Variants in ASXL3 observed in about 807,000 individuals in gnomAD.
The protein encoded by ASXL3 is putative Polycomb group protein ASXL3.
In ASXL3, 34 loss-of-function variants were observed where a neutral mutation model predicts 170.6. The ratio of observed to expected loss-of-function variants is 0.20; its 90% CI spans 0.15 to 0.27. The LOEUF is 0.27. Among genes scored for constraint, ASXL3 ranks in the 10% least tolerant of loss-of-function variants. ASXL3 has a pLI of 1.00. For missense variants in ASXL3, 2,592 were observed against 2,695.3 expected, an observed-to-expected ratio of 0.96 and a Z score of 0.85; for synonymous variants, 1,002 against 989.1, an observed-to-expected ratio of 1.01 and a Z score of -0.24.
At chr18:33,719,730 C>G (rs566032735) in intron 8 of ASXL3, among the ~76,000 whole-genome samples, 2 of 151,984 alleles carry the variant, frequency 1.3e-5, no homozygotes, top group South Asian at 4.2e-4. Flanking sequence ...TAAGAAACCC[C>G]AGAAATCTAG....
intron 2 of ASXL3, among the ~76,000 whole-genome samples, chr18:33,644,494 T>G (rs1346999289): frequency 6.6e-6 from 1 of 150,820 alleles, no homozygotes; most frequent in Non-Finnish European, 1.5e-5. Flanking sequence ...TTTTTTTTGA[T>G]CATTCAAGTG....
At chr18:33,705,914 C>T (rs1435995225) in intron 8 of ASXL3, among the ~76,000 whole-genome samples, 4 of 151,720 alleles carry the variant, frequency 2.6e-5, no homozygotes, top group Admixed American at 6.6e-5. Flanking sequence ...TAGTTAATAC[C>T]CACACAAAAG....
At chr18:33,696,881 A>G (rs937356912) in intron 8 of ASXL3, among the ~76,000 whole-genome samples, 3 of 152,178 alleles carry the variant, frequency 2.0e-5, no homozygotes, top group Admixed American at 6.5e-5. Flanking sequence ...GTTATTTGTT[A>G]AAGAATCAAT....
intron 8 of ASXL3, among the ~76,000 whole-genome samples, chr18:33,692,450 A>T (rs886835368): frequency 1.3e-5 from 2 of 152,012 alleles, no homozygotes; most frequent in Non-Finnish European, 2.9e-5. Context: ...CTCTGCAGGG[A>T]TGCTTTCCTG....
intron 2 of ASXL3, among the ~76,000 whole-genome samples, chr18:33,612,290 C>T (rs1244399097): frequency 6.6e-6 from 1 of 151,744 alleles, no homozygotes; most frequent in Non-Finnish European, 1.5e-5. Context: ...TTAGAGATGC[C>T]ATATTTTAGA....
intron 4 of ASXL3, among the ~76,000 whole-genome samples, chr18:33,656,115 C>T (rs1294067031): frequency 2.0e-5 from 3 of 152,036 alleles, no homozygotes; most frequent in African/African-American, 4.8e-5. Context: ...TCTAAGACCC[C>T]GCCCTCTATT....
chr18:33,614,435 C>T (rs1055817765), intron 2 of ASXL3: 10 of 152,296 alleles, frequency 6.6e-5, no homozygotes, highest in African/African-American at 2.2e-4. Context: ...GTTTCTACCA[C>T]ATCTGCAGTT....
At chr18:33,703,965 C>T (rs1316962722) in intron 8 of ASXL3, among the ~76,000 whole-genome samples, 3 of 152,138 alleles carry the variant, frequency 2.0e-5, no homozygotes, top group East Asian at 1.9e-4. Context: ...AATAACTCTA[C>T]TACCTTTAGA....
At position 33,745,202 on chromosome 18, in the gene ASXL3, C is replaced by T; in HGVS notation, c.5354C>T (p.Thr1785Ile). Residue 1785 changes from threonine to isoleucine, a missense_variant, in exon 12 of 12, where the codon ACC becomes ATC. Physicochemically the swap from Thr to Ile is moderately conservative, Grantham distance 89. Coordinates refer to ENST00000269197, the MANE Select transcript of ASXL3 (RefSeq NM_030632.3). ...AGGCTTCCATTGCCTCTTCAAACTA[C>T]CTCAGTGGGTAAAACAGCACCAGAG... ...INRLPLPLQTTSVGKTAPERN... is the reference protein window; with the variant it reads ...INRLPLPLQTISVGKTAPERN... 3.7e-6 allele frequency: 6 copies of T among 1,614,010 alleles called. No homozygotes were observed. The highest frequency in any genetic ancestry group is 5.1e-6 in the Non-Finnish European group (6 of 1,179,898).
In ASXL3 at chr18:33,751,080, TAAATG is replaced by T. The variant is rs1255695041; in HGVS notation, c.*4496_*4500del. ...AGTGACTGCTCACAATACCATAAGT[TAAATG>T]AAATGAAATGTTTGTCTCTTCATGT... On this transcript the variant is annotated 3_prime_UTR_variant, in exon 12 of 12. Transcript: ENST00000269197. The T allele has an allele frequency of 3.3e-5, 5 of 152,218 alleles. No individual in the cohort carries two copies. Among genetic ancestry groups the T allele is most frequent in the Non-Finnish European group, 5.9e-5 (4 of 68,024 alleles). The allele number at this position is 152,218 out of a possible 1,614,324, so 9.4% of individuals were successfully genotyped here.
chr18:33,693,620 T>G (rs1214253323), intron 8 of ASXL3, among the ~76,000 whole-genome samples: 3 of 152,088 alleles, frequency 2.0e-5, no homozygotes, highest in Non-Finnish European at 4.4e-5. Context: ...TTTCAGAGAT[T>G]CATCCTGCAG....
chr18:33,641,786 C>G (rs568653929), intron 2 of ASXL3: 1 of 152,374 alleles, frequency 6.6e-6, no homozygotes, highest in Non-Finnish European at 1.5e-5. Context: ...TTCTATAAAT[C>G]GGGATATCGT....
chr18:33,587,386 A>C (rs2065043361), intron 1 of ASXL3, among the ~76,000 whole-genome samples: 1 of 152,110 alleles, frequency 6.6e-6, no homozygotes, highest in Non-Finnish European at 1.5e-5. Flanking sequence ...AGCTTATTTA[A>C]TCAACTTCTC....
chr18:33,738,081 AC>A (rs1258591471), intron 10 of ASXL3, among the ~76,000 whole-genome samples: 1 of 152,134 alleles, frequency 6.6e-6, no homozygotes, highest in Non-Finnish European at 1.5e-5. Flanking sequence ...ACTGTTCTTA[AC>A]CAGCAGTAGA....
chr18:33,648,577 G>T (rs1401317268), intron 4 of ASXL3, among the ~76,000 whole-genome samples: 1 of 152,038 alleles, frequency 6.6e-6, no homozygotes, highest in Non-Finnish European at 1.5e-5. Context: ...GATTTTATCT[G>T]TCTGAAAATT....
chr18:33,688,330 C>T (rs927798480), intron 8 of ASXL3, among the ~76,000 whole-genome samples: 10 of 152,120 alleles, frequency 6.6e-5, no homozygotes, highest in Non-Finnish European at 1.3e-4. Context: ...GGAGTAGATG[C>T]TTCGTAGGCA....
intron 8 of ASXL3, among the ~76,000 whole-genome samples, chr18:33,723,120 A>C (rs1295781419): frequency 6.6e-6 from 1 of 152,158 alleles, no homozygotes; most frequent in African/African-American, 2.4e-5. Flanking sequence ...AGATGTAAAA[A>C]GAGAATAATG....
rs1262444254 is a variant in ASXL3, at chr18:33,580,311, G to A, written c.54+1626G>A. Among the ~76,000 whole-genome samples the A allele has an allele frequency of 2.6e-5, 4 of 152,174 alleles. No individual in the cohort carries two copies. The East Asian group carries it at 5.8e-4, about 22-fold the overall frequency. On this transcript the variant is annotated intron_variant, in intron 1 of 11. Coordinates refer to ENST00000269197, the MANE Select transcript of ASXL3 (RefSeq NM_030632.3). ...GATGCCAGATTGATGTTGTCAATGA[G>A]TTTTTGCTGGAGCATAGTACATTAC...
chr18:33,732,094 C>T (rs758650050), intron 9 of ASXL3, 30 bp downstream of exon 9: 11 of 1,551,814 alleles, frequency 7.1e-6, no homozygotes, highest in Non-Finnish European at 8.9e-6. Context: ...TATTATGTGA[C>T]ATATTGGAGT....
Sources: gnomAD v4.1 joint callset for allele counts (sites outside exome capture counted in the v4.1 genomes callset) on GRCh38, gnomAD v4.1.1 for gene constraint, MANE v1.5 for transcripts, NCBI Gene and HGNC (gene_info 2026-07-23, HGNC 2026-07-21) for gene names.